The following DGUOK variants were observed in gnomAD, a reference collection of about 807,000 sequenced individuals.
DGUOK encodes deoxyguanosine kinase, mitochondrial.
DGUOK carries 30 observed loss-of-function variants against 36.6 expected under a neutral mutation model. The observed-to-expected ratio is 0.82, with a 90% CI of 0.61 to 1.11. The LOEUF is 1.11. DGUOK is among the 50% of genes most tolerant of loss of function. The pLI, the probability that DGUOK is intolerant of heterozygous loss-of-function variation, is 0.00. For synonymous variants in DGUOK, 145 were observed against 126.3 expected (o/e 1.15, Z -0.99); for missense variants, 361 against 336.4 (o/e 1.07, Z -0.57).
chr2:73,954,770 C>T (rs1682964866), intron 4 of DGUOK, among the ~76,000 whole-genome samples: 1 of 152,100 alleles, frequency 6.6e-6, no homozygotes, highest in African/African-American at 2.4e-5. Context: ...GTTTCTGACT[C>T]CAAGCAAGCA....
chr2:73,933,956 A>AT (rs1212856863), intron 1 of DGUOK, among the ~76,000 whole-genome samples: 2 of 152,206 alleles, frequency 1.3e-5, no homozygotes, highest in East Asian at 3.8e-4. Flanking sequence ...AGACAGTTTT[A>AT]TATGTTCTGA....
chr2:73,936,239 C>G (rs759304957), intron 1 of DGUOK, among the ~76,000 whole-genome samples: 2 of 152,322 alleles, frequency 1.3e-5, no homozygotes, highest in Admixed American at 6.5e-5. Context: ...TATACACATT[C>G]AACCACTTCG....
chr2:73,950,838 T>C, intron 4 of DGUOK, 106 bp downstream of exon 4: 1 of 1,451,232 alleles, frequency 6.9e-7, no homozygotes, highest in Non-Finnish European at 9.7e-7. Flanking sequence ...GCGTAGACAT[T>C]ACCTGCAGCA....
At chr2:73,950,823 T>C in intron 4 of DGUOK, 91 bp downstream of exon 4, 6 of 1,543,956 alleles carry the variant, frequency 3.9e-6, no homozygotes, top group Non-Finnish European at 5.4e-6. Context: ...GTTGGAGAGA[T>C]TAGAGCGTAG....
chr2:73,946,963 A>T, intron 3 of DGUOK, 57 bp downstream of exon 3: 1 of 1,472,856 alleles, frequency 6.8e-7, no homozygotes, highest in South Asian at 1.2e-5. Flanking sequence ...TGCCTGTTTG[A>T]TCTTGCACAG....
At chr2:73,945,678 T>G (rs1025379606) in intron 2 of DGUOK, among the ~76,000 whole-genome samples, 2 of 152,190 alleles carry the variant, frequency 1.3e-5, no homozygotes, top group Non-Finnish European at 2.9e-5. Flanking sequence ...GATTGGTGAT[T>G]GAATAAAAAA....
At chr2:73,951,174 C>T (rs1415611322) in intron 4 of DGUOK, among the ~76,000 whole-genome samples, 1 of 152,052 alleles carries the variant, frequency 6.6e-6, no homozygotes, top group Non-Finnish European at 1.5e-5. Context: ...ATTTATAGCC[C>T]TTTTTTGAAC....
At chr2:73,953,725 T>TTC (rs1442075786) in intron 4 of DGUOK, among the ~76,000 whole-genome samples, 4 of 141,766 alleles carry the variant, frequency 2.8e-5, no homozygotes, top group Admixed American at 7.0e-5. Flanking sequence ...ACTTCTTTTT[T>TTC]TTTTTTTTTT....
chr2:73,939,394 A>G (rs1476964825), intron 2 of DGUOK, among the ~76,000 whole-genome samples: 2 of 152,250 alleles, frequency 1.3e-5, no homozygotes, highest in Admixed American at 6.5e-5. Context: ...CTTTTTAAAT[A>G]AAGTCTTAGA....
In DGUOK at chr2:73,926,890, G is replaced by T. The variant is rs200333852; in HGVS notation, c.-21G>T. 1.5e-4 allele frequency: 237 copies of T among 1,613,012 alleles called. No individual in the cohort carries two copies. The highest frequency in any genetic ancestry group is 3.3e-4 in the Middle Eastern group (2 of 6,082). On this transcript the variant is annotated 5_prime_UTR_variant, in exon 1 of 7. Coordinates refer to ENST00000264093, the MANE Select transcript of DGUOK (RefSeq NM_080916.3). ...GGAAGTGCTCTCGGCGGAAGTGATC[G>T]CTGTGTGAATCGTGGGTGGGATGGC...
At chr2:73,927,237 G>C (rs1680669539) in intron 1 of DGUOK, among the ~76,000 whole-genome samples, 185 bp downstream of exon 1, 1 of 152,146 alleles carries the variant, frequency 6.6e-6, no homozygotes, top group African/African-American at 2.4e-5. Context: ...TTAGGATATC[G>C]GGCCTCAGTA....
chr2:73,936,984 A>G (rs1356286653), intron 1 of DGUOK, among the ~76,000 whole-genome samples: 1 of 152,174 alleles, frequency 6.6e-6, no homozygotes, highest in Non-Finnish European at 1.5e-5. Context: ...TGAGGAGAGG[A>G]GGCGCTTCAG....
chr2:73,932,691 T>G (rs1681144964), intron 1 of DGUOK: 1 of 1,267,730 alleles, frequency 7.9e-7, no homozygotes, highest in African/African-American at 1.5e-5. Flanking sequence ...TGGGTATGTT[T>G]AGAGGGCTTT....
At chr2:73,932,611 G>A in intron 1 of DGUOK, 1 of 1,298,264 alleles carries the variant, frequency 7.7e-7, no homozygotes, top group East Asian at 5.2e-5. Flanking sequence ...ACATCCTCAA[G>A]CAAATCAGAA....
intron 2 of DGUOK, 69 bp from the exon 3 acceptor site, chr2:73,946,650 G>A: frequency 1.4e-6 from 2 of 1,389,516 alleles, no homozygotes; most frequent in Non-Finnish European, 2.0e-6. Context: ...GGGTGTGTGT[G>A]GAGGGGTGTA....
chr2:73,935,075 A>AAAAT lies in DGUOK; in HGVS notation c.143-3823_143-3820dup, dbSNP rs1475009315. 1.0e-4 allele frequency among the ~76,000 whole-genome samples: 10 copies of AAAAT among 96,142 alleles called. No individual in the cohort carries two copies. The South Asian group carries it at 3.8e-3, about 37-fold the overall frequency. 63.1% of individuals were successfully genotyped at this position (96,142 alleles called of 152,430 possible). ...TGGGCAACAGCTAGACTCTGTCTCAAAAATAAATAAATAAACAAACAATAT... is the reference window on the plus strand; with the variant it reads ...TGGGCAACAGCTAGACTCTGTCTCAAAAATAAATAAATAAATAAACAAACAATAT... On this transcript the variant is annotated intron_variant, in intron 1 of 6. Transcript: ENST00000264093.
At chr2:73,958,070 A>T in intron 5 of DGUOK, 76 bp from the exon 6 acceptor site, 2 of 1,113,824 alleles carry the variant, frequency 1.8e-6, no homozygotes, top group South Asian at 2.6e-5. Flanking sequence ...TCTGAGTAAG[A>T]CTTGGCGAGT....
chr2:73,940,151 C>G (rs548608719), intron 2 of DGUOK, among the ~76,000 whole-genome samples: 36 of 152,310 alleles, frequency 2.4e-4, no homozygotes, highest in African/African-American at 7.5e-4. Context: ...ATCCACCCAC[C>G]TTGGCCTCCA....
chr2:73,938,095 A>ATGT lies in DGUOK; in HGVS notation c.143-812_143-810dup, dbSNP rs754529003. Among the ~76,000 whole-genome samples the ATGT allele has an allele frequency of 5.8e-4, 89 of 152,240 alleles. 1 individual carries two copies. The highest frequency in any genetic ancestry group is 3.4e-3 in the Middle Eastern group (1 of 294). ...CTGGACTCCCTGTCTGGCCACACCC[A>ATGT]TGTTGAGCCACTTCTCCATCACTTG... On this transcript the variant is annotated intron_variant, in intron 1 of 6. Coordinates refer to ENST00000264093, the MANE Select transcript of DGUOK (RefSeq NM_080916.3).
Sources: gnomAD v4.1 joint callset for allele counts (sites outside exome capture counted in the v4.1 genomes callset) on GRCh38, gnomAD v4.1.1 for gene constraint, MANE v1.5 for transcripts, NCBI Gene and HGNC (gene_info 2026-07-23, HGNC 2026-07-21) for gene names.